TTLL2: variants seen among roughly 807,000 people sequenced by gnomAD.
The protein encoded by TTLL2 is tubulin tyrosine ligase like 2, also known as probable tubulin polyglutamylase TTLL2.
A neutral mutation model predicts 7.5 loss-of-function variants in TTLL2; 10 were observed. The observed-to-expected ratio is 1.33, with a 90% CI of 0.82 to 2.25. TTLL2 has a LOEUF of 2.25. Among genes scored for constraint, TTLL2 ranks in the 30% most tolerant of loss-of-function variants. TTLL2 has a pLI of 0.00. For synonymous variants in TTLL2, 284 were observed against 280.3 expected (o/e 1.01, Z -0.13); for missense variants, 733 against 735.7 (o/e 1.00, Z 0.04).
chr6:167,325,917 C>T (rs76142421), intron 1 of TTLL2, among the ~76,000 whole-genome samples: 2,181 of 152,206 alleles, frequency 0.014, 52 homozygotes, highest in African/African-American at 0.047. Flanking sequence ...TTGTCACATG[C>T]GAGCGGGAAG....
Position 167,325,262 on chromosome 6 carries a change from G to A in TTLL2, c.47+42G>A, listed in dbSNP as rs372743954. ...ACACGTAGGATGGGAGGGTGGCCCCGATCATGCCTCTGTTCCAGGACCAGC... is the reference window on the plus strand; with the variant it reads ...ACACGTAGGATGGGAGGGTGGCCCCAATCATGCCTCTGTTCCAGGACCAGC... On this transcript the variant is annotated intron_variant, in intron 1 of 2. Coordinates refer to ENST00000239587, the MANE Select transcript of TTLL2 (RefSeq NM_031949.5). 1.7e-5 allele frequency: 26 copies of A among 1,494,108 alleles called. 1 individual carries two copies. The highest frequency in any genetic ancestry group is 3.9e-5 in the South Asian group (3 of 76,880). 92.6% of individuals were successfully genotyped at this position (1,494,108 alleles called of 1,614,324 possible). A position where few individuals can be genotyped will look rare whatever the true frequency, so the allele number is the denominator to read the frequency against.
At position 167,325,170 on chromosome 6, in the gene TTLL2, C is replaced by G. The variant is rs1391377357; in HGVS notation, c.-4C>G. 6.3e-7 allele frequency: 1 copy of G among 1,577,712 alleles called. No homozygotes were observed. The highest frequency in any genetic ancestry group is 8.6e-7 in the Non-Finnish European group (1 of 1,162,674). ...ACAGAGGCCACCCTCGGAACCAGCG[C>G]CCAATGAGAGGGCGGGACCTGTGTT... On this transcript the variant is annotated 5_prime_UTR_variant, in exon 1 of 3. Transcript: ENST00000239587.
At chr6:167,337,113 C>T (rs1778994854) in intron 1 of TTLL2, among the ~76,000 whole-genome samples, 1 of 152,254 alleles carries the variant, frequency 6.6e-6, no homozygotes, top group Non-Finnish European at 1.5e-5. Context: ...CACACACAAT[C>T]AAACCAACCG....
Position 167,342,405 on chromosome 6 carries a change from C to T in TTLL2, c.*726C>T, listed in dbSNP as rs1361731830. On this transcript the variant is annotated 3_prime_UTR_variant, in exon 3 of 3. Transcript: ENST00000239587. ...AAAATTCCAGTAGGTTACTTGAAAA[C>T]ATTATTCTAGTGAAAGTAGTCAGAT... Among the ~76,000 whole-genome samples, 1 of 152,142 alleles carries T rather than the reference C, an allele frequency of 6.6e-6. No individual in the cohort carries two copies. Among genetic ancestry groups the T allele is most frequent in the African/African-American group, 2.4e-5 (1 of 41,404 alleles).
intron 1 of TTLL2, among the ~76,000 whole-genome samples, chr6:167,325,642 G>A (rs142020798): frequency 1.6e-4 from 25 of 152,260 alleles, no homozygotes; most frequent in African/African-American, 5.5e-4. Context: ...CAGATGCTAG[G>A]GTTATGAGAC....
rs1207402489 is a variant in TTLL2, at chr6:167,341,137, G to A, written c.1237G>A (p.Asp413Asn). Residue 413 changes from aspartate (D) to asparagine (N), a missense_variant, in exon 3 of 3, where the codon GAC becomes AAC. Transcript: ENST00000239587. ...GAGAAAACTTGTCCATGATATTATT[G>A]ACCTGATTTACTTAAATGGTCTAAG... ...VKRKLVHDII[D>N]LIYLNGLRNE... The A allele has an allele frequency of 6.2e-7, 1 of 1,613,814 alleles. No individual in the cohort carries two copies. Among genetic ancestry groups the A allele is most frequent in the Admixed American group, 1.7e-5 (1 of 59,992 alleles).
chr6:167,341,238 G>T lies in TTLL2; in HGVS notation c.1338G>T (p.Gly446=), dbSNP rs768361034. The part of the protein sequence containing the change: ...NIDAAKSDRG[G]LDAPDCLPYD... ...ACGCTGCAAAAAGTGACAGAGGTGG[G>T]CTTGATGCTCCTGACTGTCTTCCTT... The change falls in exon 3 of 3, where the codon GGG becomes GGT. Residue 446 remains glycine, a synonymous_variant. Coordinates refer to ENST00000239587, the MANE Select transcript of TTLL2 (RefSeq NM_031949.5). 1 of 1,613,550 alleles carries T rather than the reference G, an allele frequency of 6.2e-7. No individual in the cohort carries two copies. Among genetic ancestry groups the T allele is most frequent in the African/African-American group, 1.3e-5 (1 of 74,692 alleles).
chr6:167,340,692 C>T lies in TTLL2; in HGVS notation c.792C>T (p.Gly264=). 5 of 1,614,192 alleles carry T rather than the reference C, an allele frequency of 3.1e-6. No homozygotes were observed. Among genetic ancestry groups the T allele is most frequent in the Non-Finnish European group, 4.2e-6 (5 of 1,180,032 alleles). The change falls in exon 3 of 3, where the codon GGC becomes GGT. Residue 264 remains glycine (G), a synonymous_variant. Transcript: ENST00000239587. Reference sequence around the variant, plus strand: ...TCCGCATCTATGTTTGTGTTACTGGCTTTAAGCCTTTGACCATTTATGTTT... The same window carrying T: ...TCCGCATCTATGTTTGTGTTACTGGTTTTAAGCCTTTGACCATTTATGTTT... ...CDLRIYVCVT[G]FKPLTIYVYQ...
intron 1 of TTLL2, among the ~76,000 whole-genome samples, chr6:167,336,453 CTATT>C (rs1778984308): frequency 6.6e-6 from 1 of 151,902 alleles, no homozygotes; most frequent in African/African-American, 2.4e-5. Context: ...TAATAATATA[CTATT>C]TAGAATATAA....
At position 167,340,542 on chromosome 6, in the gene TTLL2, T is replaced by C. The variant is rs751929382; in HGVS notation, c.642T>C (p.Ala214=). 1.2e-6 allele frequency: 2 copies of C among 1,614,194 alleles called. No homozygotes were observed. Among genetic ancestry groups the C allele is most frequent in the Non-Finnish European group, 1.7e-6 (2 of 1,180,040 alleles). The change falls in exon 3 of 3, where the codon GCT becomes GCC. Residue 214 remains alanine, a synonymous_variant. Coordinates refer to ENST00000239587, the MANE Select transcript of TTLL2 (RefSeq NM_031949.5). ...ATAGCTATTGGATTTGCAAGCCTGC[T>C]GAGTTATCTCGTGGGAGGGGGATAC... The part of the protein sequence containing the change: ...TKHSYWICKP[A]ELSRGRGILI...
In TTLL2 at chr6:167,329,760, A is replaced by C. The variant is rs114117560; in HGVS notation, c.47+4540A>C. 3.0e-3 allele frequency among the ~76,000 whole-genome samples: 453 copies of C among 152,270 alleles called. 5 individuals are homozygous for C. The highest frequency in any genetic ancestry group is 0.011 in the African/African-American group (442 of 41,530). The stretch of plus-strand genomic sequence containing the variant: ...CCCAGCCTCTGCAATCAAGTGCCCC[A>C]GACCCTGTGGTTTTATGTGTTATTT... On this transcript the variant is annotated intron_variant, in intron 1 of 2. Coordinates refer to ENST00000239587, the MANE Select transcript of TTLL2 (RefSeq NM_031949.5).
At chr6:167,327,289 C>A (rs1778858210) in intron 1 of TTLL2, among the ~76,000 whole-genome samples, 1 of 152,132 alleles carries the variant, frequency 6.6e-6, no homozygotes, top group African/African-American at 2.4e-5. Context: ...TTGTCCCGTG[C>A]CTGTGAAGAT....
Position 167,341,743 on chromosome 6 carries a change from G to C in TTLL2, c.*64G>C. On this transcript the variant is annotated 3_prime_UTR_variant, in exon 3 of 3. Transcript: ENST00000239587. ...TTTAAAAACCAAGGATCCTGTCCTA[G>C]AGAAAGCAATAGTTCAAGTCCCTAC... is the stretch of plus-strand genomic sequence containing the variant. 1 of 1,494,346 alleles carries C rather than the reference G, an allele frequency of 6.7e-7. No homozygotes were observed. Among genetic ancestry groups the C allele is most frequent in the Non-Finnish European group, 8.9e-7 (1 of 1,129,050 alleles). 92.6% of individuals were successfully genotyped at this position (1,494,346 alleles called of 1,614,324 possible). A position where few individuals can be genotyped will look rare whatever the true frequency, so the allele number is the denominator to read the frequency against.
chr6:167,341,652 G>A lies in TTLL2; in HGVS notation c.1752G>A (p.Gln584=). ...LNVKRIIQEL[Q]KLMNKQHS is the part of the protein sequence containing the mutation. ...TCAAAAGAATAATCCAAGAGCTCCA[G>A]AAACTAATGAATAAGCAACATTCCT... The change falls in exon 3 of 3, where the codon CAG becomes CAA. Residue 584 remains glutamine, a synonymous_variant. Coordinates refer to ENST00000239587, the MANE Select transcript of TTLL2 (RefSeq NM_031949.5). 1 of 1,610,854 alleles carries A rather than the reference G, an allele frequency of 6.2e-7. No individual in the cohort carries two copies. The highest frequency in any genetic ancestry group is 1.1e-5 in the South Asian group (1 of 90,388).
intron 1 of TTLL2, among the ~76,000 whole-genome samples, chr6:167,334,763 C>G (rs1778964751): frequency 1.1e-5 from 1 of 89,598 alleles, no homozygotes; most frequent in Non-Finnish European, 2.1e-5. Flanking sequence ...AACTGGCTAG[C>G]CATATGTAGG....
Position 167,341,201 on chromosome 6 carries a change from AT to A in TTLL2, c.1303del (p.Ser435ProfsTer42). On this transcript the variant is annotated frameshift_variant, in exon 3 of 3. Coordinates refer to ENST00000239587, the MANE Select transcript of TTLL2 (RefSeq NM_031949.5). LOFTEE classifies it low-confidence loss of function (END_TRUNC). Reference sequence around the variant, plus strand: ...GAAGCCAGTAATGCCACACATGGAAATTCCAACATCGACGCTGCAAAAAGTG... The same window carrying A: ...GAAGCCAGTAATGCCACACATGGAAATCCAACATCGACGCTGCAAAAAGTG... Reference protein sequence around the residue: ...GREASNATHGNSNIDAAKSDR... With the variant: ...GREASNATHGXSNIDAAKSDR... 1 of 1,613,720 alleles carries A rather than the reference AT, an allele frequency of 6.2e-7. No individual in the cohort carries two copies. The highest frequency in any genetic ancestry group is 8.5e-7 in the Non-Finnish European group (1 of 1,179,970).
chr6:167,328,112 G>A (rs568732874), intron 1 of TTLL2: 3 of 456,260 alleles, frequency 6.6e-6, no homozygotes, highest in East Asian at 1.4e-4. Context: ...AGCAGTGAAT[G>A]TGCCAAAAAG....
chr6:167,328,006 C>T (rs970391713), intron 1 of TTLL2: 2 of 456,082 alleles, frequency 4.4e-6, no homozygotes, highest in African/African-American at 2.0e-5. Context: ...CATTTCAGTT[C>T]GATGACACCT....
chr6:167,333,774 G>A (rs1778950964), intron 1 of TTLL2, among the ~76,000 whole-genome samples: 1 of 105,124 alleles, frequency 9.5e-6, no homozygotes, highest in Admixed American at 1.1e-4. Context: ...TATTTCTGTG[G>A]GATCGGTGGT....
Sources: gnomAD v4.1 joint callset for allele counts (sites outside exome capture counted in the v4.1 genomes callset) on GRCh38, gnomAD v4.1.1 for gene constraint, MANE v1.5 for transcripts, NCBI Gene and HGNC (gene_info 2026-07-23, HGNC 2026-07-21) for gene names.